The following CACNA1A variants were observed in gnomAD, a reference collection of about 807,000 sequenced individuals.
CACNA1A encodes calcium voltage-gated channel subunit alpha1 A, also known as voltage-dependent P/Q-type calcium channel subunit alpha-1A.
In CACNA1A, 57 loss-of-function variants were observed where a neutral mutation model predicts 262.4. The ratio of observed to expected loss-of-function variants is 0.22; its 90% CI spans 0.18 to 0.27. The LOEUF (loss-of-function observed/expected upper bound fraction) is 0.27. Ranked by LOEUF, CACNA1A falls within the 10% of genes least tolerant of loss-of-function variation. The probability of loss-of-function intolerance (pLI) is 1.00; values close to 1 mark genes in which losing one functional copy is unlikely to be tolerated. For synonymous variants in CACNA1A, 1,431 were observed against 1,419.3 expected (o/e 1.01, Z -0.18); for missense variants, 2,526 against 3,562.8 (o/e 0.71, Z 7.41).
intron 10 of CACNA1A, 61 bp downstream of exon 10, chr19:13,330,183 C>T (rs546921237): frequency 7.9e-7 from 1 of 1,264,202 alleles, no homozygotes; most frequent in South Asian, 1.3e-5. Flanking sequence ...GCCCCCACCC[C>T]ACCATGTCTC....
Position 13,299,271 on chromosome 19 carries a change from C to T in CACNA1A, c.2362G>A (p.Ala788Thr), listed in dbSNP as rs1568509752. 1 of 1,605,632 alleles carries T rather than the reference C, an allele frequency of 6.2e-7. No homozygotes were observed. The highest frequency in any genetic ancestry group is 8.5e-7 in the Non-Finnish European group (1 of 1,179,850). Residue 788 changes from alanine to threonine, a missense_variant, in exon 19 of 47, where the codon GCC (alanine) becomes ACC (threonine). This residue lies in a region of CACNA1A where 765 missense variants were observed against 748.6 expected (regional missense o/e 1.02). Coordinates refer to ENST00000360228, the MANE Select transcript of CACNA1A (RefSeq NM_001127222.2). ...TSEMRKQNLL[A>T]SREALYNEMD... ...TCGTTATACAGGGCCTCCCGGCTGGCCAGCAAGTTCTGCTTTCGCATCTCA... is the reference window on the plus strand; with the variant it reads ...TCGTTATACAGGGCCTCCCGGCTGGTCAGCAAGTTCTGCTTTCGCATCTCA...
In CACNA1A at chr19:13,323,410, T is replaced by C. The variant is rs557563567; in HGVS notation, c.1346-6089A>G. 5.3e-5 allele frequency among the ~76,000 whole-genome samples: 8 copies of C among 152,350 alleles called. No individual in the cohort carries two copies. In the East Asian group the frequency reaches 1.3e-3, roughly 26 times the overall value. On this transcript the variant is annotated intron_variant, in intron 10 of 46. Transcript: ENST00000360228. ...TTTTATTCATATACCTGTTGGCCAC[T>C]TGTATGTCTTTTCTTTTGGGATATG...
intron 23 of CACNA1A, 51 bp from the exon 24 acceptor site, chr19:13,276,007 G>A: frequency 7.9e-7 from 1 of 1,260,136 alleles, no homozygotes; most frequent in Non-Finnish European, 1.2e-6. Context: ...TCCCCACCCT[G>A]GGGTGCTGCC....
intron 3 of CACNA1A, among the ~76,000 whole-genome samples, chr19:13,421,006 T>C (rs1308633440): frequency 6.6e-6 from 1 of 152,216 alleles, no homozygotes; most frequent in Non-Finnish European, 1.5e-5. Flanking sequence ...CATGATTAAG[T>C]TTCCATCAGT....
chr19:13,480,482 T>C (rs1333152697), intron 1 of CACNA1A, among the ~76,000 whole-genome samples: 2 of 152,186 alleles, frequency 1.3e-5, no homozygotes, highest in Admixed American at 1.3e-4. Flanking sequence ...ATGTTACTGG[T>C]AAGGCTTCTG....
chr19:13,235,351 T>C (rs1031415231), intron 32 of CACNA1A, 77 bp from the exon 33 acceptor site: 1 of 1,362,026 alleles, frequency 7.3e-7, no homozygotes, highest in Middle Eastern at 1.9e-4. Context: ...GTCCCAGTGC[T>C]CTGCCCCACT....
intron 1 of CACNA1A, among the ~76,000 whole-genome samples, chr19:13,469,645 G>C: frequency 7.1e-6 from 1 of 141,524 alleles, no homozygotes; most frequent in East Asian, 2.1e-4. Flanking sequence ...ATTTTTAGTA[G>C]AGACAGGGTT....
At position 13,261,529 on chromosome 19, in the gene CACNA1A, C is replaced by A. The variant is rs1398841527; in HGVS notation, c.4171G>T (p.Ala1391Ser). ...TTGAAGAGCTGCACAGCCACCACGG[C>A]GAAGATGAACATGAATAGCATGTAG... ...IVYMLFMFIF[A>S]VVAVQLFKGK... Residue 1391 changes from alanine (A) to serine (S), a missense_variant, in exon 26 of 47, where the codon GCC (alanine) becomes TCC (serine). Ala to Ser is a moderately conservative substitution (Grantham distance 99). Coordinates refer to ENST00000360228, the MANE Select transcript of CACNA1A (RefSeq NM_001127222.2). The A allele has an allele frequency of 6.2e-7, 1 of 1,602,170 alleles. No homozygotes were observed. The highest frequency in any genetic ancestry group is 8.5e-7 in the Non-Finnish European group (1 of 1,174,352).
chr19:13,384,963 G>T (rs370332746), intron 3 of CACNA1A, among the ~76,000 whole-genome samples: 4 of 152,074 alleles, frequency 2.6e-5, no homozygotes, highest in East Asian at 3.9e-4. Context: ...TGGGTCAAGG[G>T]AGAGAAGTTG....
At chr19:13,504,252 G>A (rs963988266) in intron 1 of CACNA1A, among the ~76,000 whole-genome samples, 2 of 152,152 alleles carry the variant, frequency 1.3e-5, no homozygotes, top group African/African-American at 4.8e-5. Context: ...GGATGGTGAG[G>A]AATTGCTAAC....
At chr19:13,427,222 T>C (rs900826055) in intron 3 of CACNA1A, among the ~76,000 whole-genome samples, 7 of 151,866 alleles carry the variant, frequency 4.6e-5, no homozygotes, top group African/African-American at 1.7e-4. Context: ...GGGGCCGAGA[T>C]GGGCGGATCA....
In CACNA1A at chr19:13,207,817, C is replaced by T; in HGVS notation, c.7017G>A (p.Arg2339=). 4 of 1,460,052 alleles carry T rather than the reference C, an allele frequency of 2.7e-6. No individual in the cohort carries two copies. The highest frequency in any genetic ancestry group is 3.6e-6 in the Non-Finnish European group (4 of 1,113,344). 90.4% of individuals were successfully genotyped at this position (1,460,052 alleles called of 1,614,324 possible). The change falls in exon 47 of 47, where the codon CGG becomes CGA. Residue 2339 remains arginine, a synonymous_variant. Coordinates refer to ENST00000360228, the MANE Select transcript of CACNA1A (RefSeq NM_001127222.2). This position sits in a 1 kb window ranked among gnomAD's most constrained non-coding sequence, Gnocchi z 5.7. ...RPGRAATSGP[R]RYPGPTAEPL... ...GCTCGGCCGTGGGGCCTGGGTACCTCCGAGGGCCGCTGGTGGCCGCCCGGC... is the reference window on the plus strand; with the variant it reads ...GCTCGGCCGTGGGGCCTGGGTACCTTCGAGGGCCGCTGGTGGCCGCCCGGC...
intron 1 of CACNA1A, among the ~76,000 whole-genome samples, chr19:13,461,102 G>A (rs1190028010): frequency 6.6e-6 from 1 of 152,130 alleles, no homozygotes; most frequent in Non-Finnish European, 1.5e-5. Context: ...CACTTTGGGA[G>A]GCCGAGGCGG....
At chr19:13,283,627 G>A (rs1202927207) in intron 21 of CACNA1A, 3 of 473,510 alleles carry the variant, frequency 6.3e-6, no homozygotes, top group Non-Finnish European at 1.1e-5. Flanking sequence ...GTTTAGCAAA[G>A]TTCCTATCAC....
chr19:13,240,762 CTGTG>C (rs546405413), intron 31 of CACNA1A, among the ~76,000 whole-genome samples: 5 of 129,974 alleles, frequency 3.8e-5, no homozygotes, highest in African/African-American at 5.9e-5. Context: ...TGTGCAGTGA[CTGTG>C]TGCACAGTGT....
chr19:13,380,555 C>T (rs1311980215), intron 3 of CACNA1A, among the ~76,000 whole-genome samples: 1 of 133,102 alleles, frequency 7.5e-6, no homozygotes, highest in Non-Finnish European at 1.6e-5. Flanking sequence ...CAGAGGCAGG[C>T]GAACTGCTTG....
chr19:13,394,176 G>C (rs1050316529), intron 3 of CACNA1A, among the ~76,000 whole-genome samples: 9 of 152,116 alleles, frequency 5.9e-5, no homozygotes, highest in Admixed American at 1.3e-4. Flanking sequence ...TGTGGCGGTG[G>C]TGGGTCCTAT....
intron 22 of CACNA1A, among the ~76,000 whole-genome samples, chr19:13,279,550 A>G (rs2057235179): frequency 6.6e-6 from 1 of 152,088 alleles, no homozygotes; most frequent in African/African-American, 2.4e-5. Context: ...CAGTGGCACA[A>G]TCTTGGCTCA....
chr19:13,335,698 G>A, intron 7 of CACNA1A, 108 bp downstream of exon 7: 3 of 771,014 alleles, frequency 3.9e-6, no homozygotes, highest in Non-Finnish European at 6.8e-6. Context: ...AAGGGAAGAA[G>A]CCTTTTCTCT....
Sources: gnomAD v4.1 joint callset for allele counts (sites outside exome capture counted in the v4.1 genomes callset) on GRCh38, gnomAD v4.1.1 for gene constraint, gnomAD v4.1.1 regional missense constraint, Gnocchi (gnomAD v3.1) non-coding constraint, MANE v1.5 for transcripts, NCBI Gene and HGNC (gene_info 2026-07-23, HGNC 2026-07-21) for gene names.